RTL1: variants seen among roughly 807,000 people sequenced by gnomAD.
RTL1 encodes the protein retrotransposon Gag like 1.
For missense variants in RTL1, 1,681 were observed against 1,767.5 expected (o/e 0.95, Z 0.88); for synonymous variants, 727 against 748.4 (o/e 0.97, Z 0.47).
intron 3 of RTL1, among the ~76,000 whole-genome samples, chr14:100,885,952 GT>G (rs1046701328): frequency 5.3e-5 from 8 of 152,172 alleles, no homozygotes; most frequent in African/African-American, 1.9e-4. Flanking sequence ...GAGTGTGGGG[GT>G]TGGGGGGAAC....
intron 3 of RTL1, among the ~76,000 whole-genome samples, chr14:100,886,910 T>G (rs375183188): frequency 2.6e-5 from 4 of 152,314 alleles, no homozygotes; most frequent in African/African-American, 9.6e-5. Context: ...CTTAACATAT[T>G]TACAAATTCG....
At chr14:100,899,839 C>T (rs546229457) in intron 2 of RTL1, among the ~76,000 whole-genome samples, 3 of 152,332 alleles carry the variant, frequency 2.0e-5, no homozygotes, top group South Asian at 4.1e-4. Flanking sequence ...CGGTAGCTCT[C>T]CCCATCTTAC....
At position 100,893,617 on chromosome 14, in the gene RTL1, T is replaced by G. The variant is rs2038811702; in HGVS notation, c.-148-112A>C. Among the ~76,000 whole-genome samples, 1 of 152,270 alleles carries G rather than the reference T, an allele frequency of 6.6e-6. No individual in the cohort carries two copies. The highest frequency in any genetic ancestry group is 1.5e-5 in the Non-Finnish European group (1 of 68,046). On this transcript the variant is annotated intron_variant, in intron 2 of 3. Coordinates refer to ENST00000649591, the MANE Select transcript of RTL1 (RefSeq NM_001134888.3). The surrounding 1 kb of genome is among the most constrained non-coding windows in gnomAD (Gnocchi z 4.2). ...AGTGCACACACACAGTCTTCCAGCC[T>G]GCTCTGCTCGCGTGCCTTTCTGTTG...
At chr14:100,903,012 C>T (rs569747817) in intron 2 of RTL1, among the ~76,000 whole-genome samples, 10 of 152,316 alleles carry the variant, frequency 6.6e-5, no homozygotes, top group Admixed American at 2.6e-4. Context: ...CGGAGGCAGC[C>T]CCCGGCCTGT....
rs2038967637 is a variant in RTL1, at chr14:100,903,281, G to C, written c.-149+10C>G. Among the ~76,000 whole-genome samples the C allele has an allele frequency of 6.6e-6, 1 of 152,146 alleles. No homozygotes were observed. Among genetic ancestry groups the C allele is most frequent in the Non-Finnish European group, 1.5e-5 (1 of 68,032 alleles). On this transcript the variant is annotated intron_variant, in intron 2 of 3. Coordinates refer to ENST00000649591, the MANE Select transcript of RTL1 (RefSeq NM_001134888.3). Reference sequence around the variant, plus strand: ...TGCACTCATTCTCCAAGCCACCACAGTGTACCTACCTTCCCCGGGCCCAGT... The same window carrying C: ...TGCACTCATTCTCCAAGCCACCACACTGTACCTACCTTCCCCGGGCCCAGT...
chr14:100,886,504 C>A (rs1195747444), intron 3 of RTL1, among the ~76,000 whole-genome samples: 1 of 152,092 alleles, frequency 6.6e-6, no homozygotes. Flanking sequence ...ATATAAAATT[C>A]TTATTTTGTC....
At chr14:100,897,382 A>G (rs767310229) in intron 2 of RTL1, among the ~76,000 whole-genome samples, 6 of 152,108 alleles carry the variant, frequency 3.9e-5, no homozygotes, top group Non-Finnish European at 7.4e-5. Flanking sequence ...ATTAGTAAAA[A>G]TCAAACACTG....
rs754414919 is a variant in RTL1 at position 100,884,383 on chromosome 14, C to T, written c.406G>A (p.Glu136Lys). ...GATTCCTTCAGGTCAGTGTGAGCCTCTTGTTCTTCTCGGGCTCCCGATGGG... is the reference window on the plus strand; with the variant it reads ...GATTCCTTCAGGTCAGTGTGAGCCTTTTGTTCTTCTCGGGCTCCCGATGGG... ...VNPSGAREEQ[E>K]AHTDLKESGR... The change falls in exon 4 of 4, where the codon GAG (glutamate) becomes AAG (lysine). Residue 136 changes from glutamate (E) to lysine (K), a missense_variant. Transcript: ENST00000649591. 44 of 1,583,090 alleles carry T rather than the reference C, an allele frequency of 2.8e-5. No individual in the cohort carries two copies. The highest frequency in any genetic ancestry group is 3.6e-5 in the Non-Finnish European group (42 of 1,162,854).
intron 3 of RTL1, among the ~76,000 whole-genome samples, chr14:100,891,899 T>C (rs910002760): frequency 2.0e-5 from 3 of 152,114 alleles, no homozygotes; most frequent in African/African-American, 7.2e-5. Context: ...CCTGTAGCTC[T>C]GGGGTTCCTA....
rs749060583 is a variant in RTL1 at position 100,881,039 on chromosome 14, G to A, written c.3750C>T (p.Asp1250=). 1.0e-5 allele frequency: 16 copies of A among 1,599,226 alleles called. No homozygotes were observed. The highest frequency in any genetic ancestry group is 3.4e-5 in the Admixed American group (2 of 58,560). Residue 1250 remains aspartate, a synonymous_variant, in exon 4 of 4, where the codon GAC becomes GAT. Transcript: ENST00000649591. The surrounding 1 kb of genome is among the most constrained non-coding windows in gnomAD (Gnocchi z 6.6). ...TGTCCTGCGAGGTGTCTTGCAGGCC[G>A]TCATGCAGGCCACACTGACGGTAAC... ...LQRYRQCGLH[D]GLQDTSQDKQ...
At chr14:100,885,953 T>C (rs1450229720) in intron 3 of RTL1, among the ~76,000 whole-genome samples, 1 of 151,882 alleles carries the variant, frequency 6.6e-6, no homozygotes, top group Non-Finnish European at 1.5e-5. Flanking sequence ...AGTGTGGGGG[T>C]TGGGGGGAAC....
Position 100,882,760 on chromosome 14 carries a change from C to T in RTL1, c.2029G>A (p.Val677Met), listed in dbSNP as rs752991046. ...ACATCTTCGGTGCGGTGCCCGTTCA[C>T]GCTTTCCTCCACAATGGTCCCACGC... The part of the protein sequence containing the change: ...ELRGTIVEES[V>M]NGHRTEDVWK... Residue 677 changes from valine to methionine, a missense_variant, in exon 4 of 4, where the codon GTG becomes ATG. Val to Met is a conservative substitution (Grantham distance 21). Transcript: ENST00000649591. 21 of 1,551,824 alleles carry T rather than the reference C, an allele frequency of 1.4e-5. No homozygotes were observed. The highest frequency in any genetic ancestry group is 2.0e-5 in the Admixed American group (1 of 50,990).
At position 100,882,177 on chromosome 14, in the gene RTL1, G is replaced by A. The variant is rs2038625173; in HGVS notation, c.2612C>T (p.Pro871Leu). ...GGTTTCCAAGTAGAATGGGTTCTGGGGCTTGGGGTGGTGGAGGAGAGGCGC... is the reference window on the plus strand; with the variant it reads ...GGTTTCCAAGTAGAATGGGTTCTGGAGCTTGGGGTGGTGGAGGAGAGGCGC... ...RKAPLLHHPKPQNPFYLETGV... is the reference protein window; with the variant it reads ...RKAPLLHHPKLQNPFYLETGV... The change falls in exon 4 of 4, where the codon CCC (proline) becomes CTC (leucine). Residue 871 changes from proline to leucine, a missense_variant. Physicochemically the swap from Pro to Leu is moderately conservative, Grantham distance 98 (BLOSUM62 -3). Coordinates refer to ENST00000649591, the MANE Select transcript of RTL1 (RefSeq NM_001134888.3). The A allele has an allele frequency of 6.4e-7, 1 of 1,550,414 alleles. No homozygotes were observed. The highest frequency in any genetic ancestry group is 8.7e-7 in the Non-Finnish European group (1 of 1,147,004).
At chr14:100,886,785 A>G (rs1450677388) in intron 3 of RTL1, among the ~76,000 whole-genome samples, 1 of 152,260 alleles carries the variant, frequency 6.6e-6, no homozygotes, top group African/African-American at 2.4e-5. Context: ...TCTATCAGGA[A>G]TAAAAATCTC....
chr14:100,895,406 C>A (rs1306606300), intron 2 of RTL1, among the ~76,000 whole-genome samples: 1 of 152,150 alleles, frequency 6.6e-6, no homozygotes, highest in African/African-American at 2.4e-5. Context: ...GGGGATGCAA[C>A]TTTCAAGAGT....
Position 100,901,470 on chromosome 14 carries a change from G to T in RTL1, c.-149+1821C>A, listed in dbSNP as rs570372380. On this transcript the variant is annotated intron_variant, in intron 2 of 3. Coordinates refer to ENST00000649591, the MANE Select transcript of RTL1 (RefSeq NM_001134888.3). ...GAATGGGCCAGGAGAGGCAGCTCCC[G>T]ACTCCCGTGTGGGCTGCATTCATCA... Among the ~76,000 whole-genome samples, 10 of 152,314 alleles carry T rather than the reference G, an allele frequency of 6.6e-5. No homozygotes were observed. In the East Asian group the frequency reaches 1.9e-3, roughly 29 times the overall value.
intron 3 of RTL1, among the ~76,000 whole-genome samples, chr14:100,890,990 TC>T (rs1199685842): frequency 6.6e-6 from 1 of 152,170 alleles, no homozygotes; most frequent in African/African-American, 2.4e-5. Context: ...TTGGAAGCCT[TC>T]CTGGTTTCCC....
chr14:100,886,729 A>G (rs1208419507), intron 3 of RTL1, among the ~76,000 whole-genome samples: 1 of 111,516 alleles, frequency 9.0e-6, no homozygotes, highest in East Asian at 1.9e-4. Context: ...ACAAATAAAT[A>G]ATTCTAATTG....
intron 2 of RTL1, among the ~76,000 whole-genome samples, chr14:100,896,860 C>T (rs1237932401): frequency 1.3e-5 from 2 of 152,212 alleles, no homozygotes; most frequent in Non-Finnish European, 2.9e-5. Context: ...GCCGCCGGGC[C>T]GCAGCTCTCT....
Sources: gnomAD v4.1 joint callset for allele counts (sites outside exome capture counted in the v4.1 genomes callset) on GRCh38, gnomAD v4.1.1 for gene constraint, Gnocchi (gnomAD v3.1) non-coding constraint, MANE v1.5 for transcripts, NCBI Gene and HGNC (gene_info 2026-07-23, HGNC 2026-07-21) for gene names.